The following GRID1 variants were observed in gnomAD, a reference collection of about 807,000 sequenced individuals.
The protein encoded by GRID1 is glutamate receptor ionotropic, delta-1.
Under a neutral mutation model 98.0 loss-of-function variants are expected in GRID1, and 28 were observed. That is an observed-to-expected ratio of 0.29 (90% CI 0.21 to 0.39). GRID1 has a LOEUF of 0.39. Among genes scored for constraint, GRID1 ranks in the 10% least tolerant of loss-of-function variants. The pLI is 1.00. For missense variants in GRID1, 1,111 were observed against 1,340.5 expected (o/e 0.83, Z 2.67); for synonymous variants, 553 against 538.5 (o/e 1.03, Z -0.37).
At chr10:86,171,370 C>T (rs1212515827) in intron 3 of GRID1, among the ~76,000 whole-genome samples, 1 of 152,202 alleles carries the variant, frequency 6.6e-6, no homozygotes, top group Non-Finnish European at 1.5e-5. Context: ...CCAACCCCAC[C>T]AGTTCTGTGG....
At chr10:86,272,942 A>G (rs991202590) in intron 2 of GRID1, among the ~76,000 whole-genome samples, 1 of 152,174 alleles carries the variant, frequency 6.6e-6, no homozygotes, top group African/African-American at 2.4e-5. Flanking sequence ...TTTAAGTTTT[A>G]GGGTACATGT....
rs553872628 is a variant in GRID1, at chr10:86,365,553, C to T, written c.79+761G>A. 5.9e-5 allele frequency among the ~76,000 whole-genome samples: 9 copies of T among 152,126 alleles called. No individual in the cohort carries two copies. The highest frequency in any genetic ancestry group is 1.9e-4 in the African/African-American group (8 of 41,508). On this transcript the variant is annotated intron_variant, in intron 1 of 15. Coordinates refer to ENST00000327946, the MANE Select transcript of GRID1 (RefSeq NM_017551.3). This position sits in a 1 kb window ranked among gnomAD's most constrained non-coding sequence, Gnocchi z 4.8. The stretch of plus-strand genomic sequence containing the variant: ...TTCCCGCTCAGCATCCCCCTACCCC[C>T]CGCTGCCCACGCTTCTTCCCTCGGC...
intron 4 of GRID1, among the ~76,000 whole-genome samples, chr10:86,042,226 G>A (rs1179196951): frequency 2.0e-5 from 3 of 152,224 alleles, no homozygotes. Context: ...TCCCCCCTGG[G>A]ACAGACAGGA....
chr10:85,662,467 G>A (rs1041906486), intron 12 of GRID1, among the ~76,000 whole-genome samples: 8 of 152,192 alleles, frequency 5.3e-5, no homozygotes, highest in African/African-American at 1.4e-4. Flanking sequence ...CCAGCAACGC[G>A]GCTGTGGGTG....
chr10:85,972,430 A>G (rs1290829093), intron 4 of GRID1, among the ~76,000 whole-genome samples: 2 of 148,464 alleles, frequency 1.3e-5, no homozygotes, highest in Non-Finnish European at 3.0e-5. Flanking sequence ...TCATGTATAT[A>G]TTTATATAAC....
intron 8 of GRID1, among the ~76,000 whole-genome samples, chr10:85,847,839 T>C (rs1020750419): frequency 6.6e-6 from 1 of 152,204 alleles, no homozygotes; most frequent in Non-Finnish European, 1.5e-5. Flanking sequence ...AATAATCTAA[T>C]TATTTGACCA....
chr10:86,163,635 C>G (rs566045743), intron 3 of GRID1, among the ~76,000 whole-genome samples: 2 of 152,122 alleles, frequency 1.3e-5, no homozygotes, highest in African/African-American at 4.8e-5. Context: ...GGCAGAGAAG[C>G]GGTCAGAGGC....
At chr10:86,260,132 T>C (rs1338512799) in intron 2 of GRID1, among the ~76,000 whole-genome samples, 2 of 152,250 alleles carry the variant, frequency 1.3e-5, no homozygotes, top group African/African-American at 4.8e-5. Flanking sequence ...ATTCCTCTCC[T>C]GCACCTTGTT....
At chr10:85,700,643 T>C (rs79786473) in intron 12 of GRID1, among the ~76,000 whole-genome samples, 4,960 of 152,262 alleles carry the variant, frequency 0.033, 127 homozygotes, top group Middle Eastern at 0.048. Context: ...CATCTATTAG[T>C]AATTGTAAAG....
At chr10:85,647,129 G>T in intron 13 of GRID1, 73 bp downstream of exon 13, 1 of 1,199,928 alleles carries the variant, frequency 8.3e-7, no homozygotes, top group Non-Finnish European at 1.2e-6. Context: ...CCCTGGAGGT[G>T]TCTCCCACCT....
At chr10:86,061,551 A>G (rs1171076579) in intron 4 of GRID1, among the ~76,000 whole-genome samples, 1 of 151,858 alleles carries the variant, frequency 6.6e-6, no homozygotes, top group African/African-American at 2.4e-5. Flanking sequence ...TGCAGTCAAG[A>G]CCCCTCTCCA....
At chr10:86,164,742 C>T (rs1211418840) in intron 3 of GRID1, among the ~76,000 whole-genome samples, 1 of 152,092 alleles carries the variant, frequency 6.6e-6, no homozygotes, top group African/African-American at 2.4e-5. Flanking sequence ...ATAGCATGAA[C>T]AAAGCTGAAG....
chr10:85,878,037 G>T (rs1840926781), intron 5 of GRID1, among the ~76,000 whole-genome samples: 1 of 152,264 alleles, frequency 6.6e-6, no homozygotes, highest in Non-Finnish European at 1.5e-5. Flanking sequence ...AAGACGAAAT[G>T]AATGAAATGA....
chr10:85,700,775 T>C (rs1380114907), intron 12 of GRID1, among the ~76,000 whole-genome samples: 2 of 152,142 alleles, frequency 1.3e-5, no homozygotes, highest in African/African-American at 4.8e-5. Context: ...TTAATGTAAT[T>C]GATAAGTGAA....
intron 4 of GRID1, among the ~76,000 whole-genome samples, chr10:86,014,936 A>C (rs1842962687): frequency 6.6e-6 from 1 of 152,162 alleles, no homozygotes; most frequent in African/African-American, 2.4e-5. Flanking sequence ...CTCTGCCAGG[A>C]GCACCCTTTC....
At chr10:85,693,293 A>C (rs1219315669) in intron 12 of GRID1, among the ~76,000 whole-genome samples, 1 of 152,158 alleles carries the variant, frequency 6.6e-6, no homozygotes, top group Non-Finnish European at 1.5e-5. Context: ...CTTAGTCAAT[A>C]AAATATTTGG....
At chr10:86,019,779 A>C (rs561676336) in intron 4 of GRID1, among the ~76,000 whole-genome samples, 8 of 152,352 alleles carry the variant, frequency 5.3e-5, no homozygotes, top group African/African-American at 1.7e-4. Flanking sequence ...TCATGGGCCA[A>C]AAGAAGGCAA....
At chr10:86,323,137 C>G (rs765765416) in intron 2 of GRID1, among the ~76,000 whole-genome samples, 5 of 152,110 alleles carry the variant, frequency 3.3e-5, no homozygotes, top group Non-Finnish European at 7.4e-5. Flanking sequence ...AGGAAAAATG[C>G]CAAATTATCC....
At chr10:86,327,331 C>T (rs555131704) in intron 2 of GRID1, among the ~76,000 whole-genome samples, 133 of 152,236 alleles carry the variant, frequency 8.7e-4, no homozygotes, top group African/African-American at 3.0e-3. Flanking sequence ...TTATCTCTAC[C>T]CAGCATGCCC....
Sources: allele counts gnomAD v4.1 joint callset (sites outside exome capture counted in the v4.1 genomes callset), GRCh38; gene constraint gnomAD v4.1.1; non-coding constraint Gnocchi (gnomAD v3.1); transcripts MANE v1.5; gene names NCBI Gene and HGNC (gene_info 2026-07-23, HGNC 2026-07-21).